The following RBFOX1 variants were observed in gnomAD, a reference collection of about 807,000 sequenced individuals.
The protein encoded by RBFOX1 is RNA binding protein fox-1 homolog 1.
RBFOX1 carries 8 observed loss-of-function variants against 57.7 expected under a neutral mutation model. The observed-to-expected ratio is 0.14, with a 90% confidence interval of 0.08 to 0.25. The LOEUF is 0.25. Ranked by LOEUF, RBFOX1 falls within the 10% of genes least tolerant of loss-of-function variation. RBFOX1 has a pLI of 1.00. For missense variants in RBFOX1, 611 were observed against 548.5 expected (o/e 1.11, Z -1.14); for synonymous variants, 326 against 222.4 (o/e 1.47, Z -4.15).
chr16:6,297,866 C>T (rs1212340929), intron 1 of RBFOX1, among the ~76,000 whole-genome samples: 1 of 152,166 alleles, frequency 6.6e-6, no homozygotes, highest in Non-Finnish European at 1.5e-5. Context: ...AGAGGAAGAT[C>T]ATCTTCCCAC....
chr16:6,648,636 C>G (rs975290401), intron 2 of RBFOX1, among the ~76,000 whole-genome samples: 3 of 152,154 alleles, frequency 2.0e-5, no homozygotes, highest in Non-Finnish European at 2.9e-5. Flanking sequence ...GGCCCTCACC[C>G]TTTGAATTTT....
intron 2 of RBFOX1, among the ~76,000 whole-genome samples, chr16:5,551,554 T>A (rs2045465471): frequency 6.6e-6 from 1 of 152,210 alleles, no homozygotes; most frequent in Non-Finnish European, 1.5e-5. Context: ...CTGTGTTCCA[T>A]CAAGGGTGAT....
intron 2 of RBFOX1, among the ~76,000 whole-genome samples, chr16:5,561,660 T>C (rs941576870): frequency 6.6e-6 from 1 of 152,160 alleles, no homozygotes; most frequent in African/African-American, 2.4e-5. Context: ...TTATTAATAA[T>C]ATGACTTAAT....
rs193056572 is a variant in RBFOX1 at position 7,445,764 on chromosome 16, G to A, written c.28-72383G>A. ...TGTCTTTTCACGCGGGTGACGTTTG[G>A]AGATGCCCAAAGACTGATATCCCAA... On this transcript the variant is annotated intron_variant, in intron 4 of 15. Coordinates refer to ENST00000550418, the MANE Select transcript of RBFOX1 (RefSeq NM_018723.4). Among the ~76,000 whole-genome samples the A allele has an allele frequency of 1.8e-3, 276 of 152,272 alleles. 1 individual carries two copies. The highest frequency in any genetic ancestry group is 5.6e-3 in the African/African-American group (234 of 41,538).
intron 1 of RBFOX1, among the ~76,000 whole-genome samples, chr16:5,354,091 C>G (rs1032159988): frequency 6.6e-6 from 1 of 152,076 alleles, no homozygotes; most frequent in Non-Finnish European, 1.5e-5. Flanking sequence ...CGGCCCCTTA[C>G]CTGTGAGAGT....
intron 3 of RBFOX1, among the ~76,000 whole-genome samples, chr16:6,840,746 G>A (rs1268130110): frequency 4.6e-5 from 7 of 151,946 alleles, no homozygotes; most frequent in African/African-American, 1.7e-4. Flanking sequence ...AATTAGATCA[G>A]TGTGGTGGTG....
At chr16:6,962,654 C>T (rs113284678) in intron 3 of RBFOX1, among the ~76,000 whole-genome samples, 1 of 152,096 alleles carries the variant, frequency 6.6e-6, no homozygotes, top group African/African-American at 2.4e-5. Context: ...TGGTTGAACT[C>T]AGGAGTTCAA....
At chr16:6,954,371 A>G (rs2081341261) in intron 3 of RBFOX1, among the ~76,000 whole-genome samples, 1 of 152,184 alleles carries the variant, frequency 6.6e-6, no homozygotes, top group African/African-American at 2.4e-5. Context: ...TCCATCCATT[A>G]GTAGTTCCGG....
chr16:5,478,989 C>A (rs1416547166), intron 2 of RBFOX1, among the ~76,000 whole-genome samples: 3 of 152,206 alleles, frequency 2.0e-5, no homozygotes, highest in Non-Finnish European at 4.4e-5. Context: ...TTACCCCCTA[C>A]CCATACCTTT....
intron 1 of RBFOX1, among the ~76,000 whole-genome samples, chr16:6,071,676 A>G (rs1244438958): frequency 6.6e-6 from 1 of 152,216 alleles, no homozygotes; most frequent in African/African-American, 2.4e-5. Context: ...TACGTTGTAC[A>G]GTAGATCTCT....
At chr16:6,379,921 TG>T (rs1395171822) in intron 2 of RBFOX1, among the ~76,000 whole-genome samples, 1 of 152,018 alleles carries the variant, frequency 6.6e-6, no homozygotes, top group East Asian at 1.9e-4. Context: ...AGGGGCCTGA[TG>T]GAGAAAGCTT....
At chr16:5,389,837 A>C (rs1365776378) in intron 1 of RBFOX1, among the ~76,000 whole-genome samples, 1 of 151,856 alleles carries the variant, frequency 6.6e-6, no homozygotes, top group Non-Finnish European at 1.5e-5. Context: ...AGCTGGGATT[A>C]CAGGTGCCTG....
At chr16:6,647,904 C>T (rs572912633) in intron 2 of RBFOX1, among the ~76,000 whole-genome samples, 103 of 152,236 alleles carry the variant, frequency 6.8e-4, no homozygotes, top group Non-Finnish European at 1.2e-3. Flanking sequence ...TGTAGTGGTG[C>T]AATCTCGGCT....
chr16:5,329,993 A>G (rs1358371489), intron 1 of RBFOX1, among the ~76,000 whole-genome samples: 1 of 149,496 alleles, frequency 6.7e-6, no homozygotes, highest in African/African-American at 2.4e-5. Context: ...AAAAAAAAAA[A>G]AAAAAAAAAA....
intron 5 of RBFOX1, among the ~76,000 whole-genome samples, chr16:7,550,863 G>A (rs940805643): frequency 5.9e-5 from 9 of 152,048 alleles, no homozygotes; most frequent in Non-Finnish European, 1.2e-4. Flanking sequence ...AGAGGCCGAG[G>A]CAGGCGGATC....
rs568654227 is a variant in RBFOX1 at position 6,189,373 on chromosome 16, C to G, written c.-126-127622C>G. Reference sequence around the variant, plus strand: ...CTAGTGCGCGCTGGTTCACAGGTGTCTCTTTTTGCCAACTCATCATAAACT... The same window carrying G: ...CTAGTGCGCGCTGGTTCACAGGTGTGTCTTTTTGCCAACTCATCATAAACT... On this transcript the variant is annotated intron_variant, in intron 1 of 15. Transcript: ENST00000550418. 2.6e-5 allele frequency among the ~76,000 whole-genome samples: 4 copies of G among 152,320 alleles called. No homozygotes were observed. The East Asian group carries it at 7.7e-4, about 29-fold the overall frequency.
intron 1 of RBFOX1, among the ~76,000 whole-genome samples, chr16:5,334,180 G>C (rs137886494): frequency 6.6e-6 from 1 of 152,326 alleles, no homozygotes; most frequent in East Asian, 1.9e-4. Flanking sequence ...TGTCTGGTCA[G>C]AGGGGAGGAT....
chr16:6,568,427 G>A (rs2153943100), intron 2 of RBFOX1, among the ~76,000 whole-genome samples: 1 of 152,286 alleles, frequency 6.6e-6, no homozygotes, highest in South Asian at 2.1e-4. Context: ...ATGAGACAGA[G>A]AAAGCGGGGA....
At chr16:6,827,184 C>G (rs899386212) in intron 3 of RBFOX1, among the ~76,000 whole-genome samples, 3 of 142,810 alleles carry the variant, frequency 2.1e-5, no homozygotes, top group African/African-American at 8.1e-5. Flanking sequence ...AAAAATAAAT[C>G]CATTGTATTA....
Sources: gnomAD v4.1 joint callset for allele counts (sites outside exome capture counted in the v4.1 genomes callset) on GRCh38, gnomAD v4.1.1 for gene constraint, MANE v1.5 for transcripts, NCBI Gene and HGNC (gene_info 2026-07-23, HGNC 2026-07-21) for gene names.